Variants in HSPA1L observed in about 807,000 individuals in gnomAD.
The protein encoded by HSPA1L is heat shock 70 kDa protein 1-like.
Under a neutral mutation model 31.5 loss-of-function variants are expected in HSPA1L, and 21 were observed. That is an observed-to-expected ratio of 0.67 (90% CI 0.47 to 0.96). HSPA1L has a LOEUF of 0.96. Among genes scored for constraint, HSPA1L ranks in the 40% least tolerant of loss-of-function variants. The pLI, the probability that HSPA1L is intolerant of heterozygous loss-of-function variation, is 0.00. For missense variants in HSPA1L, 709 were observed against 813.4 expected (o/e 0.87, Z 1.56); for synonymous variants, 293 against 323.1 (o/e 0.91, Z 1.00).
intron 1 of HSPA1L, among the ~76,000 whole-genome samples, chr6:31,812,649 TACATAC>T (rs1214699074): frequency 2.0e-5 from 3 of 152,146 alleles, no homozygotes; most frequent in Non-Finnish European, 4.4e-5. Context: ...TGTGGTAAAA[TACATAC>T]AAATTGTACC....
rs751433343 is a variant in HSPA1L, at chr6:31,811,991, G to A, written c.-13-6C>T. On this transcript the variant is annotated splice_region_variant and splice_polypyrimidine_tract_variant and intron_variant, in intron 1 of 1. Transcript: ENST00000375654. ...TAGCCATGGTTCTCTGAGGCCTATG[G>A]AGAAAGAATAAGATACTGTTTTGGG... The A allele has an allele frequency of 1.2e-6, 2 of 1,612,590 alleles. No homozygotes were observed. Among genetic ancestry groups the A allele is most frequent in the Non-Finnish European group, 1.7e-6 (2 of 1,179,202 alleles).
intron 1 of HSPA1L, among the ~76,000 whole-genome samples, chr6:31,813,703 C>T (rs1815607610): frequency 2.0e-5 from 3 of 152,134 alleles, no homozygotes; most frequent in Non-Finnish European, 4.4e-5. Context: ...TACATGGAGA[C>T]GCTACTGTCA....
Position 31,810,943 on chromosome 6 carries a change from G to T in HSPA1L, c.1030C>A (p.Arg344Ser). Residue 344 changes from arginine (R) to serine (S), a missense_variant, in exon 2 of 2, where the codon CGC (arginine) becomes AGC (serine). Coordinates refer to ENST00000375654, the MANE Select transcript of HSPA1L (RefSeq NM_005527.4). ...HDIVLVGGST[R>S]IPKVQRLLQD... is the part of the protein sequence containing the mutation. ...AGCAGCCGCTGCACCTTGGGGATGC[G>T]GGTGGAGCCCCCTACTAAAACAATG... 1 of 1,614,110 alleles carries T rather than the reference G, an allele frequency of 6.2e-7. No individual in the cohort carries two copies.
Position 31,811,254 on chromosome 6 carries a change from A to G in HSPA1L, c.719T>C (p.Val240Ala), listed in dbSNP as rs2151461558. The change falls in exon 2 of 2, where the codon GTG becomes GCG. Residue 240 changes from valine (V) to alanine (A), a missense_variant. Physicochemically the swap from Val to Ala is moderately conservative, Grantham distance 64. Transcript: ENST00000375654. The part of the protein sequence containing the change: ...LGGEDFDNRL[V>A]SHFVEEFKRK... Reference sequence around the variant, plus strand: ...CTTGAACTCCTCCACGAAGTGGCTCACAAGCCTGTTGTCAAAGTCCTCCCC... The same window carrying G: ...CTTGAACTCCTCCACGAAGTGGCTCGCAAGCCTGTTGTCAAAGTCCTCCCC... 1 of 1,614,054 alleles carries G rather than the reference A, an allele frequency of 6.2e-7. No individual in the cohort carries two copies. Among genetic ancestry groups the G allele is most frequent in the East Asian group, 2.2e-5 (1 of 44,868 alleles).
chr6:31,812,906 T>A (rs570199502), intron 1 of HSPA1L, among the ~76,000 whole-genome samples: 74 of 152,116 alleles, frequency 4.9e-4, no homozygotes, highest in South Asian at 2.5e-3. Flanking sequence ...ACTGCAGTCT[T>A]GACCTCCCAG....
Position 31,811,742 on chromosome 6 carries a change from G to A in HSPA1L, c.231C>T (p.Gly77=). The change falls in exon 2 of 2, where the codon GGC becomes GGT. Residue 77 remains glycine (G), a synonymous_variant. Transcript: ENST00000375654. ...GTACAACAGGATCATTAAATTTCCT[G>A]CCGATCAGACGTTTAGCATCAAAAA... is the stretch of plus-strand genomic sequence containing the variant. ...NTVFDAKRLI[G]RKFNDPVVQA... is the part of the protein sequence containing the mutation. The A allele has an allele frequency of 6.2e-7, 1 of 1,614,168 alleles. No individual in the cohort carries two copies. The highest frequency in any genetic ancestry group is 8.5e-7 in the Non-Finnish European group (1 of 1,180,028).
rs34636308 is a variant in HSPA1L at position 31,809,910 on chromosome 6, C to T, written c.*137G>A. ...ATGTGAGGGAGTGTGATAGGTGGTG[C>T]ATGAGACTCCTTCTCCAGAATTTCC... On this transcript the variant is annotated 3_prime_UTR_variant, in exon 2 of 2. Coordinates refer to ENST00000375654, the MANE Select transcript of HSPA1L (RefSeq NM_005527.4). 0.023 allele frequency: 14,790 copies of T among 643,944 alleles called. 244 individuals carry two copies. Among genetic ancestry groups the T allele is most frequent in the Middle Eastern group, 0.053 (108 of 2,038 alleles). 39.9% of individuals were successfully genotyped at this position (643,944 alleles called of 1,614,324 possible).
At position 31,810,839 on chromosome 6, in the gene HSPA1L, T is replaced by G. The variant is rs757043144; in HGVS notation, c.1134A>C (p.Gln378His). 1 of 1,614,082 alleles carries G rather than the reference T, an allele frequency of 6.2e-7. No homozygotes were observed. Among genetic ancestry groups the G allele is most frequent in the African/African-American group, 1.3e-5 (1 of 75,032 alleles). ...ACTTGTCCCCCATCAGGATGGCTGC[T>G]TGTACCGCAGCCCCATATGCTACGG... ...DEAVAYGAAV[Q>H]AAILMGDKSE... is the part of the protein sequence containing the mutation. Residue 378 changes from glutamine (Q) to histidine (H), a missense_variant, in exon 2 of 2, where the codon CAA (glutamine) becomes CAC (histidine). By Grantham distance (24) the Gln-to-His change is conservative. Coordinates refer to ENST00000375654, the MANE Select transcript of HSPA1L (RefSeq NM_005527.4).
At position 31,810,448 on chromosome 6, in the gene HSPA1L, T is replaced by C. The variant is rs1375867687; in HGVS notation, c.1525A>G (p.Lys509Glu). The C allele has an allele frequency of 1.2e-6, 2 of 1,614,026 alleles. No homozygotes were observed. The highest frequency in any genetic ancestry group is 1.7e-6 in the Non-Finnish European group (2 of 1,179,970). ...KVNKITITND[K>E]GRLSKEEIER... Reference sequence around the variant, plus strand: ...ATCTCCTCCTTGCTCAGGCGGCCCTTGTCATTGGTGATGGTGATCTTGTTC... The same window carrying C: ...ATCTCCTCCTTGCTCAGGCGGCCCTCGTCATTGGTGATGGTGATCTTGTTC... The change falls in exon 2 of 2, where the codon AAG becomes GAG. Residue 509 changes from lysine (K) to glutamate (E), a missense_variant. Physicochemically the swap from Lys to Glu is moderately conservative, Grantham distance 56. Coordinates refer to ENST00000375654, the MANE Select transcript of HSPA1L (RefSeq NM_005527.4).
rs1261254929 is a variant in HSPA1L at position 31,810,948 on chromosome 6, G to A, written c.1025C>T (p.Ser342Phe). The change falls in exon 2 of 2, where the codon TCC (serine) becomes TTC (phenylalanine). Residue 342 changes from serine to phenylalanine, a missense_variant. By Grantham distance (155) the Ser-to-Phe change is radical. Coordinates refer to ENST00000375654, the MANE Select transcript of HSPA1L (RefSeq NM_005527.4). ...CCGCTGCACCTTGGGGATGCGGGTG[G>A]AGCCCCCTACTAAAACAATGTCATG... Reference protein sequence around the residue: ...KIHDIVLVGGSTRIPKVQRLL... With the variant: ...KIHDIVLVGGFTRIPKVQRLL... 1.9e-6 allele frequency: 3 copies of A among 1,614,000 alleles called. No individual in the cohort carries two copies. Among genetic ancestry groups the A allele is most frequent in the South Asian group, 1.1e-5 (1 of 91,090 alleles).
rs1252830237 is a variant in HSPA1L, at chr6:31,811,908, A to ACC, written c.63_64dup (p.Val22GlyfsTer41). ...GATCTCCACCTTGCCGTGCTGGAAC[A>ACC]CCCCCACACAGGAGTAGGTGGTGCC... is the stretch of plus-strand genomic sequence containing the variant. On this transcript the variant is annotated frameshift_variant, in exon 2 of 2. Coordinates refer to ENST00000375654, the MANE Select transcript of HSPA1L (RefSeq NM_005527.4). LOFTEE classifies it high-confidence loss of function. 1.2e-6 allele frequency: 2 copies of ACC among 1,613,874 alleles called. No homozygotes were observed. Among genetic ancestry groups the ACC allele is most frequent in the Non-Finnish European group, 1.7e-6 (2 of 1,179,976 alleles).
At chr6:31,814,837 G>T (rs907371484) in intron 1 of HSPA1L, 52 bp downstream of exon 1, 29 of 930,478 alleles carry the variant, frequency 3.1e-5, no homozygotes, top group Non-Finnish European at 3.6e-5. Flanking sequence ...TCCCAAACAA[G>T]GACCTACTGA....
In HSPA1L at chr6:31,814,939, C is replaced by A. The variant is rs964018854; in HGVS notation, c.-64G>T. 9 of 985,770 alleles carry A rather than the reference C, an allele frequency of 9.1e-6. No individual in the cohort carries two copies. The highest frequency in any genetic ancestry group is 1.1e-5 in the Non-Finnish European group (9 of 830,232). The allele number at this position is 985,770 out of a possible 1,614,324, so 61.1% of individuals were successfully genotyped here. On this transcript the variant is annotated 5_prime_UTR_variant, in exon 1 of 2. Transcript: ENST00000375654. ...GTTTGGAAACGTCCAGATTACGCAGCCCCAGCGAGTAGGTGGGGGCTCCCT... is the reference window on the plus strand; with the variant it reads ...GTTTGGAAACGTCCAGATTACGCAGACCCAGCGAGTAGGTGGGGGCTCCCT...
intron 1 of HSPA1L, among the ~76,000 whole-genome samples, chr6:31,812,847 G>C (rs1005801663): frequency 2.6e-5 from 4 of 151,834 alleles, no homozygotes; most frequent in Admixed American, 2.6e-4. Flanking sequence ...TTAGAGACAG[G>C]GTCTCGTTTT....
rs1345287525 is a variant in HSPA1L at position 31,810,940 on chromosome 6, T to C, written c.1033A>G (p.Ile345Val). 6.2e-7 allele frequency: 1 copy of C among 1,614,180 alleles called. No homozygotes were observed. The highest frequency in any genetic ancestry group is 2.2e-5 in the East Asian group (1 of 44,884). Residue 345 changes from isoleucine to valine, a missense_variant, in exon 2 of 2, where the codon ATC (isoleucine) becomes GTC (valine). Coordinates refer to ENST00000375654, the MANE Select transcript of HSPA1L (RefSeq NM_005527.4). ...TGAAGCAGCCGCTGCACCTTGGGGATGCGGGTGGAGCCCCCTACTAAAACA... is the reference window on the plus strand; with the variant it reads ...TGAAGCAGCCGCTGCACCTTGGGGACGCGGGTGGAGCCCCCTACTAAAACA... ...DIVLVGGSTR[I>V]PKVQRLLQDY... is the part of the protein sequence containing the mutation.
chr6:31,813,338 C>T (rs1002283867), intron 1 of HSPA1L, among the ~76,000 whole-genome samples: 1 of 152,136 alleles, frequency 6.6e-6, no homozygotes, highest in African/African-American at 2.4e-5. Flanking sequence ...GAGTCTCACT[C>T]TGTTACCCAG....
chr6:31,812,237 G>A (rs565788455), intron 1 of HSPA1L, among the ~76,000 whole-genome samples: 1 of 151,668 alleles, frequency 6.6e-6, no homozygotes, highest in African/African-American at 2.4e-5. Flanking sequence ...TGTGATCTAG[G>A]CTCACTGCAA....
intron 1 of HSPA1L, among the ~76,000 whole-genome samples, chr6:31,812,853 G>A (rs1037329850): frequency 2.6e-5 from 4 of 151,842 alleles, no homozygotes; most frequent in Non-Finnish European, 4.4e-5. Context: ...ACAGGGTCTC[G>A]TTTTGTCACG....
chr6:31,815,144 G>A lies in HSPA1L; in HGVS notation c.-269C>T. 1 of 432,198 alleles carries A rather than the reference G, an allele frequency of 2.3e-6. No homozygotes were observed. Among genetic ancestry groups the A allele is most frequent in the Non-Finnish European group, 3.2e-6 (1 of 316,670 alleles). 26.8% of individuals were successfully genotyped at this position (432,198 alleles called of 1,614,324 possible). Reference sequence around the variant, plus strand: ...AACGCCCCCACCCTCCCCTGGACGCGCGTAACCCGCTCCCCGCACCAGCCC... The same window carrying A: ...AACGCCCCCACCCTCCCCTGGACGCACGTAACCCGCTCCCCGCACCAGCCC... On this transcript the variant is annotated 5_prime_UTR_variant, in exon 1 of 2. Transcript: ENST00000375654.
Sources: allele counts gnomAD v4.1 joint callset (sites outside exome capture counted in the v4.1 genomes callset), GRCh38; gene constraint gnomAD v4.1.1; transcripts MANE v1.5; gene names NCBI Gene and HGNC (gene_info 2026-07-23, HGNC 2026-07-21).